Variants in FAT1 observed in about 807,000 individuals in gnomAD.
The protein encoded by FAT1 is protocadherin Fat 1.
Under a neutral mutation model 329.8 loss-of-function variants are expected in FAT1, and 171 were observed. The observed-to-expected ratio is 0.52, with a 90% CI of 0.46 to 0.59. The LOEUF (loss-of-function observed/expected upper bound fraction) is 0.59, where lower values mean the gene tolerates loss of function less well. Among genes scored for constraint, FAT1 ranks in the 20% least tolerant of loss-of-function variants. FAT1 has a pLI of 0.00. For synonymous variants in FAT1, 2,233 were observed against 2,228.6 expected (o/e 1.00, Z -0.06); for missense variants, 5,672 against 5,774.4 (o/e 0.98, Z 0.57).
intron 2 of FAT1, among the ~76,000 whole-genome samples, chr4:186,705,106 A>AT (rs761512523): frequency 0.06 from 7,253 of 120,152 alleles, 473 homozygotes; most frequent in African/African-American, 0.15. Context: ...CCACCCCAGC[A>AT]TTTTTTTTTT....
chr4:186,627,462 A>T (rs944207924), intron 9 of FAT1, among the ~76,000 whole-genome samples: 3 of 152,188 alleles, frequency 2.0e-5, no homozygotes, highest in African/African-American at 7.2e-5. Flanking sequence ...CCCCCTTGTT[A>T]TCCCGACTCT....
chr4:186,722,759 A>G (rs1423592982), intron 1 of FAT1, among the ~76,000 whole-genome samples: 2 of 152,212 alleles, frequency 1.3e-5, no homozygotes, highest in Non-Finnish European at 2.9e-5. Flanking sequence ...AAGGAAATGA[A>G]TATCTGAAGG....
At chr4:186,658,261 G>T (rs1458377050) in intron 3 of FAT1, among the ~76,000 whole-genome samples, 1 of 152,080 alleles carries the variant, frequency 6.6e-6, no homozygotes, top group African/African-American at 2.4e-5. Flanking sequence ...AATATAATAA[G>T]AATGTCTGAA....
chr4:186,708,107 C>G lies in FAT1; in HGVS notation c.1721G>C (p.Cys574Ser). ...DNTPLFEKINCEGTIPRDLGV... is the reference protein window; with the variant it reads ...DNTPLFEKINSEGTIPRDLGV... ...TAGATCTCTGGGAATTGTCCCTTCACAATTTATTTTCTCAAACAAAGGTGT... is the reference window on the plus strand; with the variant it reads ...TAGATCTCTGGGAATTGTCCCTTCAGAATTTATTTTCTCAAACAAAGGTGT... The change falls in exon 2 of 27, where the codon TGT (cysteine) becomes TCT (serine). Residue 574 changes from cysteine (C) to serine (S), a missense_variant. Physicochemically the swap from Cys to Ser is moderately radical, Grantham distance 112. Transcript: ENST00000441802. The G allele has an allele frequency of 6.2e-7, 1 of 1,613,970 alleles. No individual in the cohort carries two copies. Among genetic ancestry groups the G allele is most frequent in the Non-Finnish European group, 8.5e-7 (1 of 1,179,876 alleles).
chr4:186,592,140 G>A (rs2126368887), intron 26 of FAT1, among the ~76,000 whole-genome samples: 1 of 152,110 alleles, frequency 6.6e-6, no homozygotes, highest in African/African-American at 2.4e-5. Flanking sequence ...ACTAATAAAG[G>A]GCTATTTTAA....
In FAT1 at chr4:186,603,501, C is replaced by G; in HGVS notation, c.11025G>C (p.Arg3675Ser). Residue 3675 changes from arginine (R) to serine (S), a missense_variant, in exon 19 of 27, where the codon AGG (arginine) becomes AGC (serine). Arg to Ser is a moderately radical substitution (Grantham distance 110). Coordinates refer to ENST00000441802, the MANE Select transcript of FAT1 (RefSeq NM_005245.4). The stretch of plus-strand genomic sequence containing the variant: ...GCAAACTAACAATCTGTATGTCGTT[C>G]CTCCTCACACCCAGGATGTTCCGTA... ...RALRNILGVR[R>S]NDIQIVSLQS... The G allele has an allele frequency of 3.1e-6, 5 of 1,613,982 alleles. No individual in the cohort carries two copies. The highest frequency in any genetic ancestry group is 4.2e-6 in the Non-Finnish European group (5 of 1,179,898).
Position 186,636,683 on chromosome 4 carries a change from C to T in FAT1, c.3874G>A (p.Glu1292Lys), listed in dbSNP as rs184443677. The change falls in exon 5 of 27, where the codon GAA (glutamate) becomes AAA (lysine). Residue 1292 changes from glutamate (E) to lysine (K), a missense_variant. This residue lies in a region of FAT1 where 3,966 missense variants were observed against 3,915.2 expected (regional missense o/e 1.01). Coordinates refer to ENST00000441802, the MANE Select transcript of FAT1 (RefSeq NM_005245.4). Reference sequence around the variant, plus strand: ...AATTTGCCATGCTCATTCCCGTCTTCGATGCTGTAGGAGATTTCTGCATTG... The same window carrying T: ...AATTTGCCATGCTCATTCCCGTCTTTGATGCTGTAGGAGATTTCTGCATTG... The part of the protein sequence containing the change: ...GPNAEISYSI[E>K]DGNEHGKFFI... 472 of 1,613,850 alleles carry T rather than the reference C, an allele frequency of 2.9e-4. 9 individuals are homozygous for T. In the East Asian group the frequency reaches 6.4e-3, roughly 22 times the overall value.
chr4:186,717,773 A>G (rs1745283641), intron 1 of FAT1, among the ~76,000 whole-genome samples: 1 of 152,220 alleles, frequency 6.6e-6, no homozygotes, highest in East Asian at 1.9e-4. Flanking sequence ...ACAGGTAGGC[A>G]GCGGCTGTGT....
rs1394937298 is a variant in FAT1 at position 186,606,162 on chromosome 4, T to C, written c.10258A>G (p.Arg3420Gly). Residue 3420 changes from arginine (R) to glycine (G), a missense_variant, in exon 17 of 27, where the codon AGA becomes GGA. Arg to Gly is a moderately radical substitution (Grantham distance 125, BLOSUM62 -2). Around this residue, in one of 2 missense-constraint regions of FAT1, gnomAD observed 1,706 missense variants for 1,859.1 expected, o/e 0.92. Coordinates refer to ENST00000441802, the MANE Select transcript of FAT1 (RefSeq NM_005245.4). ...ATGTTCACGGTCGTCGTGTTGACTC[T>C]GGGTGGACTGCCATTATCAGAAGCT... ...VQASDNGSPPRVNTTTVNIDV... is the reference protein window; with the variant it reads ...VQASDNGSPPGVNTTTVNIDV... 1 of 1,612,662 alleles carries C rather than the reference T, an allele frequency of 6.2e-7. No individual in the cohort carries two copies. The highest frequency in any genetic ancestry group is 1.7e-5 in the Admixed American group (1 of 59,854).
chr4:186,650,725 C>T (rs550518186), intron 3 of FAT1, among the ~76,000 whole-genome samples: 1 of 152,066 alleles, frequency 6.6e-6, no homozygotes, highest in South Asian at 2.1e-4. Context: ...GAAAAATGAA[C>T]ATAAATTACA....
chr4:186,719,216 C>A (rs1745354410), intron 1 of FAT1, among the ~76,000 whole-genome samples: 3 of 152,160 alleles, frequency 2.0e-5, no homozygotes, highest in Admixed American at 6.5e-5. Context: ...ACCAAATCTG[C>A]AATTTCAGCT....
At chr4:186,595,298 T>C (rs201692278) in intron 26 of FAT1, among the ~76,000 whole-genome samples, 2 of 91,836 alleles carry the variant, frequency 2.2e-5, no homozygotes, top group African/African-American at 1.3e-4. Flanking sequence ...TTAGAGGGGG[T>C]GTGTGTGTGT....
rs775748688 is a variant in FAT1, at chr4:186,611,543, G to A, written c.9696C>T (p.Tyr3232=). ...CAGACACGGTGGCACCATATTCACG[G>A]TACTCAAACACAGGGGGGTTGTCAT... ...DINDNPPVFE[Y]REYGATVSED... Residue 3232 remains tyrosine (Y), a synonymous_variant, in exon 14 of 27, where the codon TAC becomes TAT. Coordinates refer to ENST00000441802, the MANE Select transcript of FAT1 (RefSeq NM_005245.4). 4 of 1,613,892 alleles carry A rather than the reference G, an allele frequency of 2.5e-6. No homozygotes were observed. Among genetic ancestry groups the A allele is most frequent in the South Asian group, 1.1e-5 (1 of 91,084 alleles).
At chr4:186,677,669 A>G (rs1341357399) in intron 2 of FAT1, among the ~76,000 whole-genome samples, 2 of 152,208 alleles carry the variant, frequency 1.3e-5, no homozygotes, top group African/African-American at 2.4e-5. Context: ...AAACTGAACA[A>G]TCTTAACCAA....
intron 26 of FAT1, among the ~76,000 whole-genome samples, chr4:186,594,650 G>C (rs1391342822): frequency 2.4e-5 from 3 of 123,892 alleles, no homozygotes; most frequent in African/African-American, 9.6e-5. Flanking sequence ...TAGGAATAGA[G>C]TGTGTATATA....
At chr4:186,669,007 AC>A (rs1388634082) in intron 2 of FAT1, among the ~76,000 whole-genome samples, 2 of 152,196 alleles carry the variant, frequency 1.3e-5, no homozygotes, top group African/African-American at 4.8e-5. Flanking sequence ...AAAGGAACCA[AC>A]AAAAACTATA....
intron 26 of FAT1, among the ~76,000 whole-genome samples, chr4:186,591,162 CG>C (rs1560913177): frequency 6.6e-6 from 1 of 152,174 alleles, no homozygotes; most frequent in African/African-American, 2.4e-5. Context: ...GGTGAAAATC[CG>C]TTAGAGTTGT....
In FAT1 at chr4:186,708,688, A is replaced by G. The variant is rs1256446102; in HGVS notation, c.1140T>C (p.Ala380=). ...CCATGACCACAGGTGTGTTGGGAGG[A>G]GCAAATTCACTTATTTCTGCTCTGT... ...DVYRAEISEF[A]PPNTPVVMVK... The change falls in exon 2 of 27, where the codon GCT becomes GCC. Residue 380 remains alanine, a synonymous_variant. Coordinates refer to ENST00000441802, the MANE Select transcript of FAT1 (RefSeq NM_005245.4). The G allele has an allele frequency of 1.9e-6, 3 of 1,613,728 alleles. No individual in the cohort carries two copies. Among genetic ancestry groups the G allele is most frequent in the African/African-American group, 1.3e-5 (1 of 74,910 alleles).
At chr4:186,652,625 A>T (rs530482425) in intron 3 of FAT1, among the ~76,000 whole-genome samples, 6 of 152,206 alleles carry the variant, frequency 3.9e-5, no homozygotes, top group Non-Finnish European at 8.8e-5. Context: ...AAAAGACTGC[A>T]AATAGGTAAT....
Sources: allele counts gnomAD v4.1 joint callset (sites outside exome capture counted in the v4.1 genomes callset), GRCh38; gene constraint gnomAD v4.1.1; regional missense constraint gnomAD v4.1.1; transcripts MANE v1.5; gene names NCBI Gene and HGNC (gene_info 2026-07-23, HGNC 2026-07-21).